THSD7B: variants seen among roughly 807,000 people sequenced by gnomAD.
THSD7B encodes thrombospondin type-1 domain-containing protein 7B.
In THSD7B, 138 loss-of-function variants were observed where a neutral mutation model predicts 213.6. The ratio of observed to expected loss-of-function variants is 0.65; its 90% CI spans 0.56 to 0.74. The LOEUF is 0.74. Ranked by LOEUF, THSD7B falls within the 30% of genes least tolerant of loss-of-function variation. The pLI is 0.00. For synonymous variants in THSD7B, 742 were observed against 687.0 expected, an observed-to-expected ratio of 1.08 and a Z score of -1.25; for missense variants, 1,931 against 1,991.5, an observed-to-expected ratio of 0.97 and a Z score of 0.58.
intron 4 of THSD7B, among the ~76,000 whole-genome samples, chr2:137,106,113 G>A (rs952332622): frequency 6.6e-6 from 1 of 152,156 alleles, no homozygotes; most frequent in African/African-American, 2.4e-5. Context: ...AAGGAACAAA[G>A]CTGGAGGAAT....
intron 2 of THSD7B, among the ~76,000 whole-genome samples, chr2:136,979,446 A>G (rs981960032): frequency 1.6e-4 from 25 of 152,158 alleles, no homozygotes; most frequent in Non-Finnish European, 1.6e-4. Context: ...CATAGGTTCT[A>G]TCTTTTTACA....
intron 14 of THSD7B, among the ~76,000 whole-genome samples, chr2:137,415,829 T>C (rs1220705020): frequency 1.3e-5 from 2 of 152,082 alleles, no homozygotes; most frequent in Admixed American, 6.6e-5. Context: ...CCTCTAATAA[T>C]TGATCCACCT....
intron 2 of THSD7B, among the ~76,000 whole-genome samples, chr2:136,905,052 A>G (rs80255988): frequency 0.021 from 3,149 of 152,264 alleles, 60 homozygotes; most frequent in East Asian, 0.093. Flanking sequence ...TGCGATCCTC[A>G]TGGGAACCTT....
Position 137,307,944 on chromosome 2 carries a change from C to T in THSD7B, c.2500+31918C>T, listed in dbSNP as rs571251670. On this transcript the variant is annotated intron_variant, in intron 12 of 27. Coordinates refer to ENST00000409968, the MANE Select transcript of THSD7B (RefSeq NM_001316349.2). ...CCTCACAGGAGCCACTACTACCTGA[C>T]AGGAAGTAAGAATGCCTCTGAGAGG... Among the ~76,000 whole-genome samples, 40 of 152,074 alleles carry T rather than the reference C, an allele frequency of 2.6e-4. 3 individuals are homozygous for T. The South Asian group carries it at 8.5e-3, about 32-fold the overall frequency.
chr2:136,869,801 C>T (rs778174), intron 1 of THSD7B, among the ~76,000 whole-genome samples: 86,526 of 152,078 alleles, frequency 0.57, 24,970 homozygotes, highest in Middle Eastern at 0.72. Flanking sequence ...CGGCTGGGCA[C>T]GGTGGCTCAC....
intron 2 of THSD7B, among the ~76,000 whole-genome samples, chr2:136,897,337 G>A (rs575345293): frequency 6.6e-6 from 1 of 152,114 alleles, no homozygotes; most frequent in South Asian, 2.1e-4. Flanking sequence ...AGATGTATCC[G>A]GAGTTTCTTC....
intron 12 of THSD7B, among the ~76,000 whole-genome samples, chr2:137,293,338 A>C (rs77332113): frequency 6.6e-6 from 1 of 151,876 alleles, no homozygotes; most frequent in East Asian, 1.9e-4. Flanking sequence ...GGGTTTTGCC[A>C]TGTTGCCCAG....
At chr2:137,305,636 A>G (rs1683722824) in intron 12 of THSD7B, among the ~76,000 whole-genome samples, 1 of 152,166 alleles carries the variant, frequency 6.6e-6, no homozygotes. Flanking sequence ...TACATCAGCA[A>G]CAATGCAGAT....
At chr2:137,430,350 CACA>C (rs763553470) in intron 14 of THSD7B, among the ~76,000 whole-genome samples, 3 of 152,290 alleles carry the variant, frequency 2.0e-5, no homozygotes, top group South Asian at 2.1e-4. Context: ...CTGAAAGAGA[CACA>C]ACATTTCACA....
intron 12 of THSD7B, among the ~76,000 whole-genome samples, chr2:137,353,813 A>G (rs1685066463): frequency 6.6e-6 from 1 of 152,122 alleles, no homozygotes; most frequent in Admixed American, 6.6e-5. Context: ...TGCCATCCCT[A>G]TTTTACATAC....
chr2:137,543,891 A>G (rs933188359), intron 15 of THSD7B, among the ~76,000 whole-genome samples: 1 of 151,802 alleles, frequency 6.6e-6, no homozygotes, highest in Non-Finnish European at 1.5e-5. Flanking sequence ...GCTAAAGATT[A>G]GTCATTAGGG....
chr2:137,258,379 T>G (rs1039247110), intron 10 of THSD7B, among the ~76,000 whole-genome samples: 1 of 152,122 alleles, frequency 6.6e-6, no homozygotes, highest in African/African-American at 2.4e-5. Context: ...GGTCCTCTTT[T>G]GCTCTCATTC....
chr2:136,814,557 C>A (rs1353131581), intron 1 of THSD7B, among the ~76,000 whole-genome samples: 1 of 152,034 alleles, frequency 6.6e-6, no homozygotes, highest in East Asian at 1.9e-4. Flanking sequence ...TGCCACCACG[C>A]CTGGCTAATT....
At chr2:137,072,911 G>T (rs1380917830) in intron 3 of THSD7B, among the ~76,000 whole-genome samples, 1 of 152,086 alleles carries the variant, frequency 6.6e-6, no homozygotes, top group Non-Finnish European at 1.5e-5. Context: ...AACATTTATT[G>T]ATTTACGTAT....
intron 5 of THSD7B, among the ~76,000 whole-genome samples, chr2:137,154,220 T>G (rs1679868012): frequency 6.6e-6 from 1 of 152,144 alleles, no homozygotes; most frequent in Non-Finnish European, 1.5e-5. Flanking sequence ...TAATCTCTAC[T>G]TTTTTGAAAA....
intron 16 of THSD7B, among the ~76,000 whole-genome samples, chr2:137,566,473 A>G (rs1203194386): frequency 6.6e-6 from 1 of 152,152 alleles, no homozygotes; most frequent in Non-Finnish European, 1.5e-5. Flanking sequence ...TGGATCTTGC[A>G]ATAAGGTGGT....
intron 15 of THSD7B, among the ~76,000 whole-genome samples, chr2:137,501,782 A>G (rs113560194): frequency 0.072 from 10,954 of 152,324 alleles, 441 homozygotes; most frequent in African/African-American, 0.086. Context: ...CAAGGAAATT[A>G]GCATCTCTGA....
At chr2:136,876,935 C>T (rs1289364055) in intron 1 of THSD7B, among the ~76,000 whole-genome samples, 5 of 152,176 alleles carry the variant, frequency 3.3e-5, no homozygotes, top group African/African-American at 1.2e-4. Flanking sequence ...GGCTCTTCTC[C>T]AGCTCTGCTG....
chr2:137,156,749 T>G (rs750247941), intron 5 of THSD7B, among the ~76,000 whole-genome samples: 31 of 152,142 alleles, frequency 2.0e-4, no homozygotes, highest in Non-Finnish European at 2.8e-4. Context: ...CCATAAGCCC[T>G]TCCCGCACAG....
Sources: allele counts gnomAD v4.1 joint callset (sites outside exome capture counted in the v4.1 genomes callset), GRCh38; gene constraint gnomAD v4.1.1; transcripts MANE v1.5; gene names NCBI Gene and HGNC (gene_info 2026-07-23, HGNC 2026-07-21).